The following SNX18 variants were observed in gnomAD, a reference collection of about 807,000 sequenced individuals.
SNX18 encodes sorting nexin-18.
In SNX18, 35 loss-of-function variants were observed where a neutral mutation model predicts 48.7. The ratio of observed to expected loss-of-function variants is 0.72; its 90% CI spans 0.55 to 0.95. The LOEUF (loss-of-function observed/expected upper bound fraction) is 0.95. Ranked by LOEUF, SNX18 falls within the 40% of genes least tolerant of loss-of-function variation. The pLI, the probability that SNX18 is intolerant of heterozygous loss-of-function variation, is 0.00. For synonymous variants in SNX18, 492 were observed against 384.7 expected, an observed-to-expected ratio of 1.28 and a Z score of -3.26; for missense variants, 824 against 871.0, an observed-to-expected ratio of 0.95 and a Z score of 0.68.
At chr5:54,520,984 A>G (rs1451123441) in intron 1 of SNX18, 1 of 166,820 alleles carries the variant, frequency 6.0e-6, no homozygotes, top group Admixed American at 6.5e-5. Flanking sequence ...GTTGGCCTGT[A>G]TTAAACCTGT....
the SNX18 span, among the ~76,000 whole-genome samples, chr5:54,620,712 C>G: frequency 6.6e-6 from 1 of 152,150 alleles, no homozygotes; most frequent in Non-Finnish European, 1.5e-5. Context: ...ATACCATAGA[C>G]TGGGTGGCTT....
the SNX18 span, among the ~76,000 whole-genome samples, chr5:54,631,732 C>T: frequency 6.6e-6 from 1 of 152,126 alleles, no homozygotes. Context: ...AGAGGAGGAA[C>T]CTTAAAGGAT....
rs868171556 is a variant in SNX18, at chr5:54,527,736, C to A, written c.1621+8163C>A. ...AGTGTGTGGGTTATGTTTTTATGTTCCTGTGTTGTATAGCTGTTAACTACT... is the reference window on the plus strand; with the variant it reads ...AGTGTGTGGGTTATGTTTTTATGTTACTGTGTTGTATAGCTGTTAACTACT... On this transcript the variant is annotated intron_variant, in intron 1 of 1. Coordinates refer to ENST00000381410, the MANE Select transcript of SNX18 (RefSeq NM_001102575.2). Among the ~76,000 whole-genome samples, 4 of 152,232 alleles carry A rather than the reference C, an allele frequency of 2.6e-5. No individual in the cohort carries two copies. The South Asian group carries it at 8.3e-4, about 32-fold the overall frequency.
chr5:54,603,231 A>AATATATAT, the SNX18 span, among the ~76,000 whole-genome samples: 1 of 113,800 alleles, frequency 8.8e-6, no homozygotes, highest in Non-Finnish European at 2.1e-5. Flanking sequence ...ATTATTTAAA[A>AATATATAT]ATATATATAT....
chr5:54,626,973 A>C, the SNX18 span, among the ~76,000 whole-genome samples: 4 of 152,362 alleles, frequency 2.6e-5, no homozygotes, highest in Non-Finnish European at 5.9e-5. Context: ...GGAAGATGGC[A>C]CAACAGAGAA....
chr5:54,596,942 G>A, the SNX18 span, among the ~76,000 whole-genome samples: 1 of 152,076 alleles, frequency 6.6e-6, no homozygotes, highest in African/African-American at 2.4e-5. Context: ...AAAAAAGGAT[G>A]TACTGACACG....
the SNX18 span, among the ~76,000 whole-genome samples, chr5:54,608,363 G>A: frequency 2.6e-5 from 4 of 152,032 alleles, no homozygotes; most frequent in South Asian, 4.1e-4. Flanking sequence ...AATATGAACT[G>A]TGCTTTTTAT....
chr5:54,559,864 GA>G, the SNX18 span, among the ~76,000 whole-genome samples: 4 of 151,426 alleles, frequency 2.6e-5, no homozygotes, highest in South Asian at 2.1e-4. Context: ...AAATTTACAA[GA>G]AAAAAAATAA....
chr5:54,624,870 G>A, the SNX18 span, among the ~76,000 whole-genome samples: 8 of 152,322 alleles, frequency 5.3e-5, no homozygotes, highest in Admixed American at 5.2e-4. Flanking sequence ...GTAAACAGCT[G>A]TCAGCGCTGT....
the SNX18 span, among the ~76,000 whole-genome samples, chr5:54,611,433 C>T: frequency 6.6e-6 from 1 of 152,132 alleles, no homozygotes; most frequent in Non-Finnish European, 1.5e-5. Flanking sequence ...TTTCCTACTT[C>T]ACCCTGCGGG....
chr5:54,600,051 A>C, the SNX18 span, among the ~76,000 whole-genome samples: 3 of 152,342 alleles, frequency 2.0e-5, no homozygotes, highest in East Asian at 5.8e-4. Context: ...GGCAACAAAC[A>C]GAGTGGGAGA....
the SNX18 span, among the ~76,000 whole-genome samples, chr5:54,631,670 C>T: frequency 6.6e-6 from 1 of 152,168 alleles, no homozygotes; most frequent in Non-Finnish European, 1.5e-5. Context: ...TATGAAACAT[C>T]TCAATAAACC....
rs535824796 is a variant in SNX18, at chr5:54,526,397, C to T, written c.1621+6824C>T. On this transcript the variant is annotated intron_variant, in intron 1 of 1. Transcript: ENST00000381410. ...TGCTGGGATTACAGGTGTGAGCCAC[C>T]GTGCCCAGCCTCTGATATTGATCTT... Among the ~76,000 whole-genome samples, 87 of 152,190 alleles carry T rather than the reference C, an allele frequency of 5.7e-4. 1 individual carries two copies. Among genetic ancestry groups the T allele is most frequent in the Admixed American group, 2.7e-3 (42 of 15,292 alleles).
chr5:54,634,222 T>C, the SNX18 span, among the ~76,000 whole-genome samples: 5 of 152,206 alleles, frequency 3.3e-5, no homozygotes, highest in Non-Finnish European at 5.9e-5. Flanking sequence ...GATTTCCTTA[T>C]AAGGCTATGG....
chr5:54,576,770 T>A, the SNX18 span, among the ~76,000 whole-genome samples: 1 of 134,116 alleles, frequency 7.5e-6, no homozygotes, highest in Non-Finnish European at 1.6e-5. Flanking sequence ...AGCAAGTAGC[T>A]GTGTTTGTTT....
At chr5:54,542,892 T>C (rs999723429) in intron 1 of SNX18, among the ~76,000 whole-genome samples, 1 of 152,238 alleles carries the variant, frequency 6.6e-6, no homozygotes, top group African/African-American at 2.4e-5. Context: ...TTATCAGTTA[T>C]GTATAGCATC....
At chr5:54,561,504 ATTT>A in the SNX18 span, among the ~76,000 whole-genome samples, 1 of 133,006 alleles carries the variant, frequency 7.5e-6, no homozygotes, top group Non-Finnish European at 1.6e-5. Context: ...CGCCCAGCTA[ATTT>A]TTTTTTTTTT....
At chr5:54,635,508 G>C in the SNX18 span, among the ~76,000 whole-genome samples, 2 of 152,066 alleles carry the variant, frequency 1.3e-5, no homozygotes, top group Non-Finnish European at 2.9e-5. Context: ...GCATTTCCTG[G>C]CATTTTTTTC....
chr5:54,625,347 T>G, the SNX18 span, among the ~76,000 whole-genome samples: 1 of 152,220 alleles, frequency 6.6e-6, no homozygotes, highest in Non-Finnish European at 1.5e-5. Flanking sequence ...CAGCCAGGGC[T>G]GTAATCATCT....
Sources: allele counts gnomAD v4.1 joint callset (sites outside exome capture counted in the v4.1 genomes callset), GRCh38; gene constraint gnomAD v4.1.1; transcripts MANE v1.5; gene names NCBI Gene and HGNC (gene_info 2026-07-23, HGNC 2026-07-21).